N4BP2: variants seen among roughly 807,000 people sequenced by gnomAD.
The protein encoded by N4BP2 is NEDD4 binding protein 2, also known as NEDD4-binding protein 2.
In N4BP2, 91 loss-of-function variants were observed where a neutral mutation model predicts 152.8. That is an observed-to-expected ratio of 0.60 (90% CI 0.50 to 0.71). N4BP2 has a LOEUF of 0.71. Ranked by LOEUF, N4BP2 falls within the 30% of genes least tolerant of loss-of-function variation. The pLI, the probability that N4BP2 is intolerant of heterozygous loss-of-function variation, is 0.00. For missense variants in N4BP2, 1,923 were observed against 2,059.1 expected, an observed-to-expected ratio of 0.93 and a Z score of 1.28; for synonymous variants, 646 against 705.3, an observed-to-expected ratio of 0.92 and a Z score of 1.33.
intron 1 of N4BP2, among the ~76,000 whole-genome samples, chr4:40,070,825 T>C (rs1056361596): frequency 1.3e-5 from 2 of 152,038 alleles, no homozygotes; most frequent in Non-Finnish European, 2.9e-5. Flanking sequence ...GGTGTTTTTT[T>C]TTCTTCTTTT....
At chr4:40,135,892 C>T (rs373376107) in intron 13 of N4BP2, among the ~76,000 whole-genome samples, 4 of 152,240 alleles carry the variant, frequency 2.6e-5, no homozygotes, top group South Asian at 4.1e-4. Flanking sequence ...AAAAAATATT[C>T]GTATATGGTC....
At chr4:40,149,405 G>C (rs1720927193) in intron 16 of N4BP2, among the ~76,000 whole-genome samples, 1 of 152,176 alleles carries the variant, frequency 6.6e-6, no homozygotes, top group Admixed American at 6.5e-5. Context: ...TTTGATTAGT[G>C]GTTGCTGGGA....
chr4:40,114,724 G>A (rs1372245974), intron 7 of N4BP2, among the ~76,000 whole-genome samples: 2 of 152,114 alleles, frequency 1.3e-5, no homozygotes, highest in African/African-American at 4.8e-5. Context: ...AATTAATTGG[G>A]AAGTATCTCC....
At chr4:40,137,630 G>A (rs571078762) in intron 14 of N4BP2, among the ~76,000 whole-genome samples, 3 of 152,228 alleles carry the variant, frequency 2.0e-5, no homozygotes, top group East Asian at 1.9e-4. Flanking sequence ...TGGAAGTGTC[G>A]TGAAGGAAGT....
chr4:40,154,344 T>A lies in N4BP2; in HGVS notation c.*107T>A. The A allele has an allele frequency of 1.6e-6, 1 of 643,758 alleles. No individual in the cohort carries two copies. Among genetic ancestry groups the A allele is most frequent in the Non-Finnish European group, 2.5e-6 (1 of 400,536 alleles). The allele number at this position is 643,758 out of a possible 1,614,324, so 39.9% of individuals were successfully genotyped here. A position where few individuals can be genotyped will look rare whatever the true frequency, so the allele number is the denominator to read the frequency against. The stretch of plus-strand genomic sequence containing the variant: ...TAAAGATGTGTTTTATTATAAATAA[T>A]ATTCAATTATGAAACAAAAAAATTA... On this transcript the variant is annotated 3_prime_UTR_variant, in exon 18 of 18. Coordinates refer to ENST00000261435, the MANE Select transcript of N4BP2 (RefSeq NM_018177.6).
In N4BP2 at chr4:40,081,515, G is replaced by A. The variant is rs974027088; in HGVS notation, c.-115+7964G>A. ...ACAAAAATTAATGGGGTGTGGTGCC[G>A]CATGCCTGTAATCCCAGCTACTAGG... On this transcript the variant is annotated intron_variant, in intron 2 of 17. Coordinates refer to ENST00000261435, the MANE Select transcript of N4BP2 (RefSeq NM_018177.6). Among the ~76,000 whole-genome samples, 10 of 152,092 alleles carry A rather than the reference G, an allele frequency of 6.6e-5. No individual in the cohort carries two copies. In the East Asian group the frequency reaches 1.5e-3, roughly 24 times the overall value.
the N4BP2 span, among the ~76,000 whole-genome samples, chr4:40,187,013 A>G: frequency 3.3e-5 from 5 of 152,248 alleles, no homozygotes; most frequent in South Asian, 1.0e-3. Context: ...TGCATCAGTA[A>G]TAAAGTGAAT....
chr4:40,124,722 G>A (rs71608015), intron 11 of N4BP2, among the ~76,000 whole-genome samples: 26,850 of 152,084 alleles, frequency 0.18, 3,081 homozygotes, highest in Admixed American at 0.26. Flanking sequence ...CCCCTATAAT[G>A]TATATTGAAC....
chr4:40,178,562 C>T, the N4BP2 span, among the ~76,000 whole-genome samples: 3,370 of 152,256 alleles, frequency 0.022, 138 homozygotes, highest in African/African-American at 0.077. Flanking sequence ...TGATTATTAA[C>T]GTGGGCATAC....
chr4:40,090,348 C>T (rs1396298290), intron 2 of N4BP2, among the ~76,000 whole-genome samples: 1 of 152,086 alleles, frequency 6.6e-6, no homozygotes. Context: ...TTTTCTTAAA[C>T]GTGTATATCA....
At chr4:40,106,163 T>A (rs1270626850) in intron 4 of N4BP2, among the ~76,000 whole-genome samples, 1 of 152,236 alleles carries the variant, frequency 6.6e-6, no homozygotes, top group African/African-American at 2.4e-5. Context: ...GGATAAAAGG[T>A]CTTTGTAACA....
At chr4:40,131,283 TGCTTTG>T (rs2110014071) in intron 12 of N4BP2, among the ~76,000 whole-genome samples, 1 of 152,364 alleles carries the variant, frequency 6.6e-6, no homozygotes, top group South Asian at 2.1e-4. Flanking sequence ...TTTTCCCCTT[TGCTTTG>T]GCCACTAAGA....
At chr4:40,106,470 C>A (rs1198313305) in intron 4 of N4BP2, among the ~76,000 whole-genome samples, 2 of 152,128 alleles carry the variant, frequency 1.3e-5, no homozygotes, top group African/African-American at 4.8e-5. Context: ...GTGCACACTA[C>A]CACACCTGCC....
At chr4:40,129,976 A>G (rs984764433) in intron 12 of N4BP2, among the ~76,000 whole-genome samples, 1 of 152,234 alleles carries the variant, frequency 6.6e-6, no homozygotes, top group Non-Finnish European at 1.5e-5. Context: ...ATAGATTGGT[A>G]GAAAATCTGA....
At chr4:40,159,224 G>T (rs2109303886), downstream of N4BP2, among the ~76,000 whole-genome samples, 1 of 152,330 alleles carries the variant, frequency 6.6e-6, no homozygotes, top group East Asian at 1.9e-4. Context: ...AGAGATAATA[G>T]TCTACTGTTC....
intron 2 of N4BP2, among the ~76,000 whole-genome samples, chr4:40,074,817 G>A (rs1368585710): frequency 1.3e-5 from 2 of 151,940 alleles, no homozygotes; most frequent in Non-Finnish European, 2.9e-5. Flanking sequence ...GACCAGCCTG[G>A]CTAACATGGC....
intron 4 of N4BP2, among the ~76,000 whole-genome samples, chr4:40,106,686 C>T (rs1224737556): frequency 6.6e-6 from 1 of 152,064 alleles, no homozygotes. Flanking sequence ...GTAGCTGGGA[C>T]TATAGGCGCA....
chr4:40,092,008 TTATA>T (rs1221314746), intron 2 of N4BP2, among the ~76,000 whole-genome samples: 3,359 of 27,164 alleles, frequency 0.12, 304 homozygotes, highest in African/African-American at 0.16. Flanking sequence ...AAAAAAAAAA[TTATA>T]TATATATATA....
At chr4:40,066,899 T>A (rs1259435952) in intron 1 of N4BP2, among the ~76,000 whole-genome samples, 1 of 152,148 alleles carries the variant, frequency 6.6e-6, no homozygotes, top group Non-Finnish European at 1.5e-5. Flanking sequence ...GATTCTACTT[T>A]CTGTGTCTAG....
Sources: gnomAD v4.1 joint callset for allele counts (sites outside exome capture counted in the v4.1 genomes callset) on GRCh38, gnomAD v4.1.1 for gene constraint, MANE v1.5 for transcripts, NCBI Gene and HGNC (gene_info 2026-07-23, HGNC 2026-07-21) for gene names.